The following TOX2 variants were observed in gnomAD, a reference collection of about 807,000 sequenced individuals.
The protein encoded by TOX2 is TOX high mobility group box family member 2, also known as granulosa cell HMG box 1.
Under a neutral mutation model 47.4 loss-of-function variants are expected in TOX2, and 15 were observed. The ratio of observed to expected loss-of-function variants is 0.32; its 90% CI spans 0.21 to 0.49. The LOEUF (loss-of-function observed/expected upper bound fraction) is 0.49, where lower values mean the gene tolerates loss of function less well. TOX2 is among the 20% of genes least tolerant of loss of function. The pLI is 0.99. For synonymous variants in TOX2, 290 were observed against 296.6 expected, an observed-to-expected ratio of 0.98 and a Z score of 0.23; for missense variants, 622 against 673.1, an observed-to-expected ratio of 0.92 and a Z score of 0.84.
chr20:44,037,043 C>A (rs2071252888), intron 3 of TOX2, among the ~76,000 whole-genome samples: 1 of 152,202 alleles, frequency 6.6e-6, no homozygotes, highest in Admixed American at 6.5e-5. Context: ...CAACCTCTAC[C>A]TCCCGGGTTC....
intron 3 of TOX2, among the ~76,000 whole-genome samples, chr20:44,009,111 A>G (rs1336788985): frequency 6.6e-6 from 1 of 152,234 alleles, no homozygotes; most frequent in Non-Finnish European, 1.5e-5. Flanking sequence ...TACCTCTGCC[A>G]TGACTGTTCA....
chr20:43,969,136 G>A (rs1355461477), intron 1 of TOX2, among the ~76,000 whole-genome samples: 1 of 152,216 alleles, frequency 6.6e-6, no homozygotes, highest in African/African-American at 2.4e-5. Flanking sequence ...TTGTATAAAG[G>A]TCTCTGACAT....
chr20:44,018,052 C>G lies in TOX2; in HGVS notation c.411+11260C>G, dbSNP rs1208166626. Among the ~76,000 whole-genome samples, 3 of 152,326 alleles carry G rather than the reference C, an allele frequency of 2.0e-5. No individual in the cohort carries two copies. In the East Asian group the frequency reaches 5.8e-4, roughly 29 times the overall value. On this transcript the variant is annotated intron_variant, in intron 3 of 8. Transcript: ENST00000341197. The stretch of plus-strand genomic sequence containing the variant: ...CTTGGAACAAGAAATGGAAGAAGTG[C>G]TGAGCTCAGGGGACTGTCCCGGCAC...
chr20:43,983,296 T>G (rs1287521474), intron 2 of TOX2, among the ~76,000 whole-genome samples: 1 of 152,188 alleles, frequency 6.6e-6, no homozygotes, highest in Non-Finnish European at 1.5e-5. Flanking sequence ...TTGGAGTTCG[T>G]GATTCTTGCT....
chr20:43,930,783 C>T (rs1380543586), intron 1 of TOX2, among the ~76,000 whole-genome samples: 2 of 152,154 alleles, frequency 1.3e-5, no homozygotes, highest in East Asian at 3.8e-4. Flanking sequence ...CACTATGTTA[C>T]CTGCCAAAAA....
At chr20:43,961,094 GTCCA>G (rs2069750800) in intron 1 of TOX2, among the ~76,000 whole-genome samples, 1 of 152,268 alleles carries the variant, frequency 6.6e-6, no homozygotes, top group African/African-American at 2.4e-5. Flanking sequence ...TGGCGCTAGG[GTCCA>G]ATACATGTTT....
At chr20:43,941,707 T>G (rs2069405338) in intron 1 of TOX2, among the ~76,000 whole-genome samples, 1 of 152,182 alleles carries the variant, frequency 6.6e-6, no homozygotes, top group Non-Finnish European at 1.5e-5. Context: ...TTAAGGAGGT[T>G]TCCTGACTCG....
intron 2 of TOX2, among the ~76,000 whole-genome samples, chr20:43,974,616 C>A (rs150281784): frequency 5.6e-4 from 86 of 152,326 alleles, no homozygotes; most frequent in African/African-American, 1.9e-3. Flanking sequence ...GTTGGGTGGC[C>A]CCTCAGCCAT....
chr20:43,952,469 G>A (rs1259688729), intron 1 of TOX2, among the ~76,000 whole-genome samples: 1 of 152,194 alleles, frequency 6.6e-6, no homozygotes, highest in Admixed American at 6.5e-5. Flanking sequence ...TAGGGGTTGG[G>A]CTCTGCTCCA....
intron 1 of TOX2, among the ~76,000 whole-genome samples, chr20:43,937,305 A>G (rs2069338872): frequency 6.6e-6 from 1 of 152,152 alleles, no homozygotes; most frequent in Admixed American, 6.5e-5. Flanking sequence ...CTGGTTCGCA[A>G]AGGTCCCCTG....
intron 1 of TOX2, among the ~76,000 whole-genome samples, chr20:43,920,385 G>T (rs2069100419): frequency 6.6e-6 from 1 of 152,180 alleles, no homozygotes; most frequent in Non-Finnish European, 1.5e-5. Context: ...GGCCTGCCCG[G>T]CATACTTGGT....
Position 44,026,228 on chromosome 20 carries a change from G to GAGATATATATATATATATATAT in TOX2, c.411+19437_411+19438insGATATATATATATATATATATA, listed in dbSNP as rs1555842268. Among the ~76,000 whole-genome samples, 84 of 60,224 alleles carry GAGATATATATATATATATATAT rather than the reference G, an allele frequency of 1.4e-3. 3 individuals carry two copies. Among genetic ancestry groups the GAGATATATATATATATATATAT allele is most frequent in the Non-Finnish European group, 2.2e-3 (72 of 32,214 alleles). 39.5% of individuals were successfully genotyped at this position (60,224 alleles called of 152,430 possible). On this transcript the variant is annotated intron_variant, in intron 3 of 8. Transcript: ENST00000341197. Reference sequence around the variant, plus strand: ...TCGATCGAGTGGATAAAGAAACTGTGATATATATATATATATATATAGACA... The same window carrying GAGATATATATATATATATATAT: ...TCGATCGAGTGGATAAAGAAACTGTGAGATATATATATATATATATATATATATATATATATATATATAGACA...
At chr20:44,044,201 G>T (rs1211312311) in intron 3 of TOX2, among the ~76,000 whole-genome samples, 2 of 152,080 alleles carry the variant, frequency 1.3e-5, no homozygotes, top group South Asian at 2.1e-4. Context: ...ACCACGTGTT[G>T]TCACTCATAG....
At position 43,915,005 on chromosome 20, in the gene TOX2, G is replaced by A. The variant is rs1157226826; in HGVS notation, c.99+15G>A. Reference sequence around the variant, plus strand: ...ACGGCGGCAAGGTAGGCGGGGGCGGGCGGGGGTCCCCGGCGGGCGGGGCCG... The same window carrying A: ...ACGGCGGCAAGGTAGGCGGGGGCGGACGGGGGTCCCCGGCGGGCGGGGCCG... On this transcript the variant is annotated intron_variant, in intron 1 of 8. Coordinates refer to ENST00000341197, the MANE Select transcript of TOX2 (RefSeq NM_001098797.2). The surrounding 1 kb of genome is among the most constrained non-coding windows in gnomAD (Gnocchi z 7.1). The A allele has an allele frequency of 2.4e-6, 3 of 1,239,070 alleles. No homozygotes were observed. The highest frequency in any genetic ancestry group is 2.0e-6 in the Non-Finnish European group (2 of 989,976). The allele number at this position is 1,239,070 out of a possible 1,614,324, so 76.8% of individuals were successfully genotyped here.
chr20:44,023,450 A>AAAAC (rs2071009785), intron 3 of TOX2, among the ~76,000 whole-genome samples: 3 of 151,144 alleles, frequency 2.0e-5, no homozygotes, highest in Non-Finnish European at 3.0e-5. Context: ...AAAAAAAAAA[A>AAAAC]GGAGGGAAAG....
intron 1 of TOX2, among the ~76,000 whole-genome samples, chr20:43,922,542 A>G (rs973524469): frequency 3.9e-5 from 6 of 152,192 alleles, no homozygotes; most frequent in Admixed American, 2.6e-4. Context: ...CATCTTATTT[A>G]CATGGATTCA....
intron 3 of TOX2, among the ~76,000 whole-genome samples, chr20:44,019,356 A>G (rs568344276): frequency 6.6e-6 from 1 of 152,368 alleles, no homozygotes; most frequent in East Asian, 1.9e-4. Flanking sequence ...GAAGTGGTGA[A>G]GACAGGATGG....
At chr20:43,959,722 C>T (rs2069726567) in intron 1 of TOX2, among the ~76,000 whole-genome samples, 3 of 152,238 alleles carry the variant, frequency 2.0e-5, no homozygotes, top group Admixed American at 2.0e-4. Context: ...GACGTACGCT[C>T]ATGCGGCTTT....
chr20:43,974,942 A>G (rs1472377480), intron 2 of TOX2, among the ~76,000 whole-genome samples: 3 of 152,236 alleles, frequency 2.0e-5, no homozygotes, highest in African/African-American at 4.8e-5. Context: ...TTGCATTGAC[A>G]TGCGCCAACA....
Sources: gnomAD v4.1 joint callset for allele counts (sites outside exome capture counted in the v4.1 genomes callset) on GRCh38, gnomAD v4.1.1 for gene constraint, Gnocchi (gnomAD v3.1) non-coding constraint, MANE v1.5 for transcripts, NCBI Gene and HGNC (gene_info 2026-07-23, HGNC 2026-07-21) for gene names.